Variants in TLE1 observed in about 807,000 individuals in gnomAD.
TLE1 encodes the protein TLE family member 1, transcriptional corepressor.
A neutral mutation model predicts 89.8 loss-of-function variants in TLE1; 21 were observed. That is an observed-to-expected ratio of 0.23 (90% CI 0.17 to 0.34). The LOEUF (loss-of-function observed/expected upper bound fraction) is 0.34, where lower values mean the gene tolerates loss of function less well. Among genes scored for constraint, TLE1 ranks in the 10% least tolerant of loss-of-function variants. The probability of loss-of-function intolerance (pLI) is 1.00; values close to 1 mark genes in which losing one functional copy is unlikely to be tolerated. For missense variants in TLE1, 795 were observed against 1,031.2 expected (o/e 0.77, Z 3.14); for synonymous variants, 447 against 407.6 (o/e 1.10, Z -1.16).
chr9:81,593,667 T>C (rs1366849591), intron 14 of TLE1, among the ~76,000 whole-genome samples: 5 of 152,214 alleles, frequency 3.3e-5, no homozygotes, highest in African/African-American at 4.8e-5. Flanking sequence ...AATGATTGTT[T>C]TCCCTGCTAA....
intron 6 of TLE1, among the ~76,000 whole-genome samples, chr9:81,644,336 TATGA>T (rs1186940307): frequency 2.6e-5 from 4 of 152,152 alleles, no homozygotes; most frequent in Non-Finnish European, 5.9e-5. Flanking sequence ...TCCATCAACT[TATGA>T]ATGAATAAGC....
intron 6 of TLE1, among the ~76,000 whole-genome samples, chr9:81,647,569 C>G (rs1021032084): frequency 6.6e-6 from 1 of 152,182 alleles, no homozygotes; most frequent in African/African-American, 2.4e-5. Flanking sequence ...CAACCACCAC[C>G]AACCAGGACT....
intron 4 of TLE1, among the ~76,000 whole-genome samples, chr9:81,660,341 CAAAAA>C: frequency 8.7e-6 from 1 of 114,704 alleles, no homozygotes; most frequent in East Asian, 2.5e-4. Flanking sequence ...AGGCTGTTCA[CAAAAA>C]AAAAAAAACA....
At chr9:81,658,616 T>C (rs145985950) in intron 4 of TLE1, among the ~76,000 whole-genome samples, 1,860 of 152,260 alleles carry the variant, frequency 0.012, 40 homozygotes, top group African/African-American at 0.042. Flanking sequence ...GAAAAGGCGC[T>C]GACGTCCTCT....
At chr9:81,617,998 CT>C (rs1200097229) in intron 9 of TLE1, among the ~76,000 whole-genome samples, 1 of 151,730 alleles carries the variant, frequency 6.6e-6, no homozygotes, top group East Asian at 2.0e-4. Context: ...GCACTCCAGC[CT>C]GAGTGACAAA....
intron 8 of TLE1, among the ~76,000 whole-genome samples, chr9:81,627,404 G>GC (rs549693605): frequency 2.6e-5 from 4 of 151,568 alleles, no homozygotes; most frequent in Non-Finnish European, 5.9e-5. Context: ...TCCCACCAAG[G>GC]CCCCGATATC....
At chr9:81,585,442 T>C in intron 18 of TLE1, 63 bp downstream of exon 18, 1 of 1,577,406 alleles carries the variant, frequency 6.3e-7, no homozygotes, top group Admixed American at 1.8e-5. Context: ...TACCATATTT[T>C]TTTAAGAAGC....
intron 4 of TLE1, among the ~76,000 whole-genome samples, chr9:81,654,263 G>A (rs892987798): frequency 1.3e-5 from 2 of 152,268 alleles, no homozygotes; most frequent in Non-Finnish European, 1.5e-5. Context: ...TAAGAGATGA[G>A]TAGTTTGATT....
chr9:81,626,342 G>A (rs1394350655), intron 8 of TLE1, among the ~76,000 whole-genome samples: 1 of 151,986 alleles, frequency 6.6e-6, no homozygotes. Context: ...ATTAGGTAAC[G>A]ACGCACCCCA....
Position 81,653,992 on chromosome 9 carries a change from G to A in TLE1, c.279C>T (p.Ile93=), listed in dbSNP as rs1219304421. Residue 93 remains isoleucine, a synonymous_variant, in exon 5 of 20, where the codon ATC becomes ATT. Coordinates refer to ENST00000376499, the MANE Select transcript of TLE1 (RefSeq NM_005077.5). ...TACTTACTTCCTGAGACAGAAATGG[G>A]ATGACTTGTGCACAAATCGTATTCA... ...KRLNTICAQV[I]PFLSQEHQQQ... 1 of 1,614,018 alleles carries A rather than the reference G, an allele frequency of 6.2e-7. No homozygotes were observed.
chr9:81,597,164 C>T (rs1289202058), intron 14 of TLE1, among the ~76,000 whole-genome samples: 1 of 151,994 alleles, frequency 6.6e-6, no homozygotes, highest in Non-Finnish European at 1.5e-5. Context: ...ACACAGAGGT[C>T]GCAGGGGTTG....
intron 4 of TLE1, among the ~76,000 whole-genome samples, chr9:81,676,891 T>C (rs1832964363): frequency 6.6e-6 from 1 of 152,238 alleles, no homozygotes; most frequent in South Asian, 2.1e-4. Flanking sequence ...GTTTAAAATG[T>C]TCATTTATTT....
At position 81,633,363 on chromosome 9, in the gene TLE1, G is replaced by C; in HGVS notation, c.579C>G (p.Asp193Glu). ...KKHHDAEHHRDREPGTSNSLL... is the reference protein window; with the variant it reads ...KKHHDAEHHREREPGTSNSLL... The stretch of plus-strand genomic sequence containing the variant: ...GAGTACTTACTGTGCCCGGCTCTCT[G>C]TCTGCTCCCGAGGTTACCAAGAAAC... The change falls in exon 8 of 20, where the codon GAC becomes GAG. Residue 193 changes from aspartate (D) to glutamate (E), a missense_variant and splice_region_variant. By Grantham distance (45) the Asp-to-Glu change is conservative. Around this residue, in one of 4 missense-constraint regions of TLE1, gnomAD observed 468 missense variants for 509.1 expected, o/e 0.92. Transcript: ENST00000376499. 1 of 1,613,332 alleles carries C rather than the reference G, an allele frequency of 6.2e-7. No homozygotes were observed. Among genetic ancestry groups the C allele is most frequent in the Non-Finnish European group, 8.5e-7 (1 of 1,179,876 alleles).
At chr9:81,609,057 CT>C (rs1823361634) in intron 14 of TLE1, among the ~76,000 whole-genome samples, 1 of 152,044 alleles carries the variant, frequency 6.6e-6, no homozygotes, top group Non-Finnish European at 1.5e-5. Context: ...GACCTGCCCC[CT>C]CCCCTCCCCT....
intron 17 of TLE1, 53 bp from the exon 18 acceptor site, chr9:81,585,708 G>A: frequency 1.3e-6 from 2 of 1,591,578 alleles, no homozygotes; most frequent in Non-Finnish European, 1.7e-6. Flanking sequence ...CACTTAGGAA[G>A]GGAAGACGCA....
At chr9:81,600,770 T>A (rs1159094457) in intron 14 of TLE1, among the ~76,000 whole-genome samples, 4 of 152,090 alleles carry the variant, frequency 2.6e-5, no homozygotes, top group East Asian at 1.9e-4. Flanking sequence ...TAGAAGAGAT[T>A]AGCATTTGAA....
chr9:81,672,120 C>T (rs1422001027), intron 4 of TLE1, among the ~76,000 whole-genome samples: 1 of 152,154 alleles, frequency 6.6e-6, no homozygotes, highest in Non-Finnish European at 1.5e-5. Flanking sequence ...TCTCAGCACA[C>T]CCAGATCAGA....
intron 9 of TLE1, among the ~76,000 whole-genome samples, chr9:81,617,723 C>T (rs1410541908): frequency 1.3e-5 from 2 of 149,948 alleles, no homozygotes; most frequent in Admixed American, 1.3e-4. Context: ...TAAAATAAAG[C>T]CTGTTCAATT....
intron 6 of TLE1, among the ~76,000 whole-genome samples, chr9:81,651,142 A>G (rs906784067): frequency 2.6e-5 from 4 of 152,214 alleles, no homozygotes; most frequent in African/African-American, 9.6e-5. Flanking sequence ...TATCATTACA[A>G]AGTGTCTGAG....
Sources: gnomAD v4.1 joint callset for allele counts (sites outside exome capture counted in the v4.1 genomes callset) on GRCh38, gnomAD v4.1.1 for gene constraint, gnomAD v4.1.1 regional missense constraint, MANE v1.5 for transcripts, NCBI Gene and HGNC (gene_info 2026-07-23, HGNC 2026-07-21) for gene names.